The following ABLIM1 variants were observed in gnomAD, a reference collection of about 807,000 sequenced individuals.
The protein encoded by ABLIM1 is actin-binding LIM protein 1.
A neutral mutation model predicts 107.0 loss-of-function variants in ABLIM1; 40 were observed. That is an observed-to-expected ratio of 0.37 (90% CI 0.29 to 0.49). The LOEUF is 0.49. Ranked by LOEUF, ABLIM1 falls within the 20% of genes least tolerant of loss-of-function variation. The pLI is 0.97. For missense variants in ABLIM1, 857 were observed against 1,008.5 expected (o/e 0.85, Z 2.04); for synonymous variants, 357 against 357.3 (o/e 1.00, Z 0.01).
At chr10:114,767,895 G>A (rs1326778356) in intron 1 of ABLIM1, among the ~76,000 whole-genome samples, 1 of 152,086 alleles carries the variant, frequency 6.6e-6, no homozygotes, top group Non-Finnish European at 1.5e-5. Flanking sequence ...CAAGGGCGAG[G>A]GCTTCCTTCC....
intron 3 of ABLIM1, among the ~76,000 whole-genome samples, chr10:114,574,548 TC>T (rs1294767313): frequency 1.9e-4 from 29 of 152,136 alleles, no homozygotes; most frequent in African/African-American, 6.5e-4. Flanking sequence ...CAAGCCATTC[TC>T]CTGCCTCAGC....
At chr10:114,474,940 G>A (rs143559282) in intron 8 of ABLIM1, among the ~76,000 whole-genome samples, 82 of 152,266 alleles carry the variant, frequency 5.4e-4, no homozygotes, top group African/African-American at 1.8e-3. Context: ...CTGCCACCAC[G>A]TAAGACATGA....
At chr10:114,461,571 C>A (rs1243540477) in intron 12 of ABLIM1, among the ~76,000 whole-genome samples, 1 of 152,076 alleles carries the variant, frequency 6.6e-6, no homozygotes. Flanking sequence ...GTAATCCCAG[C>A]ACGTTAGGAG....
intron 1 of ABLIM1, among the ~76,000 whole-genome samples, chr10:114,677,793 G>T (rs1223932202): frequency 2.0e-5 from 3 of 152,090 alleles, no homozygotes; most frequent in Admixed American, 1.3e-4. Flanking sequence ...AAATAAAAAA[G>T]AAATCATCTA....
chr10:114,776,650 G>T, the ABLIM1 span, among the ~76,000 whole-genome samples: 1 of 152,026 alleles, frequency 6.6e-6, no homozygotes, highest in African/African-American at 2.4e-5. Flanking sequence ...ATACAGTCAC[G>T]TTCTCCCTCT....
chr10:114,769,154 T>G (rs1167761608), upstream of ABLIM1, among the ~76,000 whole-genome samples: 3 of 98,776 alleles, frequency 3.0e-5, no homozygotes, highest in African/African-American at 1.2e-4. Flanking sequence ...GCCAACATGG[T>G]GAAACACTGT....
intron 3 of ABLIM1, among the ~76,000 whole-genome samples, chr10:114,571,985 T>C (rs2071749785): frequency 6.6e-6 from 1 of 152,242 alleles, no homozygotes. Flanking sequence ...TGTAAATATC[T>C]GTTTAAGAAT....
intron 4 of ABLIM1, among the ~76,000 whole-genome samples, chr10:114,559,334 G>A (rs920533000): frequency 1.5e-4 from 23 of 149,530 alleles, no homozygotes; most frequent in African/African-American, 4.9e-4. Flanking sequence ...CGGGTGTGGT[G>A]GCACATGCCT....
chr10:114,582,666 T>C (rs1037391398), intron 2 of ABLIM1, among the ~76,000 whole-genome samples: 5 of 152,058 alleles, frequency 3.3e-5, no homozygotes, highest in African/African-American at 1.2e-4. Flanking sequence ...AAGAAACACA[T>C]AGACCAATGA....
At chr10:114,731,530 T>A (rs1046203519) in intron 1 of ABLIM1, among the ~76,000 whole-genome samples, 6 of 151,866 alleles carry the variant, frequency 4.0e-5, no homozygotes, top group Non-Finnish European at 7.4e-5. Context: ...GGCATGACCT[T>A]GGCTCACTGC....
intron 11 of ABLIM1, among the ~76,000 whole-genome samples, chr10:114,466,268 C>T (rs1220744061): frequency 6.6e-6 from 1 of 152,004 alleles, no homozygotes; most frequent in African/African-American, 2.4e-5. Flanking sequence ...TATGATTGTG[C>T]CAGTGCACTC....
intron 2 of ABLIM1, among the ~76,000 whole-genome samples, chr10:114,576,845 C>T (rs1428049698): frequency 1.3e-5 from 2 of 152,214 alleles, no homozygotes; most frequent in Non-Finnish European, 2.9e-5. Flanking sequence ...AAGATTATGG[C>T]CTGAGTCCAT....
At chr10:114,601,991 G>A (rs757914352) in intron 1 of ABLIM1, 30 bp from the exon 2 acceptor site, 2 of 1,612,880 alleles carry the variant, frequency 1.2e-6, no homozygotes, top group East Asian at 4.5e-5. Flanking sequence ...AGATCCAGGT[G>A]AGTAGAGAGC....
intron 1 of ABLIM1, among the ~76,000 whole-genome samples, chr10:114,726,724 G>A (rs2081967584): frequency 6.6e-6 from 1 of 152,002 alleles, no homozygotes; most frequent in East Asian, 1.9e-4. Context: ...GAGGTTGCAG[G>A]GAGTGGAGAT....
intron 8 of ABLIM1, 64 bp downstream of exon 8, chr10:114,487,894 A>C: frequency 6.3e-7 from 1 of 1,581,312 alleles, no homozygotes; most frequent in Non-Finnish European, 8.7e-7. Flanking sequence ...AGCCCCAAGA[A>C]TTAGTGACCA....
At chr10:114,576,777 T>G (rs2139020040) in intron 2 of ABLIM1, among the ~76,000 whole-genome samples, 1 of 152,326 alleles carries the variant, frequency 6.6e-6, no homozygotes, top group South Asian at 2.1e-4. Context: ...CAGTCTTTGT[T>G]TAGATCAACA....
chr10:114,494,854 T>C (rs1345910400), intron 6 of ABLIM1, among the ~76,000 whole-genome samples: 1 of 152,120 alleles, frequency 6.6e-6, no homozygotes, highest in African/African-American at 2.4e-5. Context: ...AGCTTCCACA[T>C]CAATAAAATG....
At chr10:114,442,907 T>C (rs1362159849) in intron 17 of ABLIM1, among the ~76,000 whole-genome samples, 2 of 151,876 alleles carry the variant, frequency 1.3e-5, no homozygotes, top group African/African-American at 4.8e-5. Flanking sequence ...GGCGCAATCT[T>C]GGCTCAATGT....
upstream of ABLIM1, among the ~76,000 whole-genome samples, chr10:114,688,598 C>G (rs955854984): frequency 3.5e-4 from 53 of 152,116 alleles, no homozygotes; most frequent in Admixed American, 1.3e-4. Flanking sequence ...TCTTATAACC[C>G]TCTAGGACAG....
Sources: gnomAD v4.1 joint callset for allele counts (sites outside exome capture counted in the v4.1 genomes callset) on GRCh38, gnomAD v4.1.1 for gene constraint, MANE v1.5 for transcripts, NCBI Gene and HGNC (gene_info 2026-07-23, HGNC 2026-07-21) for gene names.